Variants in ROCK2 observed in about 807,000 individuals in gnomAD.
ROCK2 encodes Rho associated coiled-coil containing protein kinase 2.
A neutral mutation model predicts 195.1 loss-of-function variants in ROCK2; 61 were observed. The observed-to-expected ratio is 0.31, with a 90% confidence interval of 0.25 to 0.39. The LOEUF is 0.39. ROCK2 is among the 10% of genes least tolerant of loss of function. The probability of loss-of-function intolerance (pLI) is 1.00; values close to 1 mark genes in which losing one functional copy is unlikely to be tolerated. For synonymous variants in ROCK2, 504 were observed against 545.5 expected, an observed-to-expected ratio of 0.92 and a Z score of 1.06; for missense variants, 1,109 against 1,637.4, an observed-to-expected ratio of 0.68 and a Z score of 5.57.
intron 4 of ROCK2, among the ~76,000 whole-genome samples, chr2:11,242,537 C>G (rs960255974): frequency 8.5e-5 from 13 of 152,064 alleles, no homozygotes; most frequent in Non-Finnish European, 7.4e-5. Flanking sequence ...TTTGAGGAAA[C>G]CAAGATAAGC....
chr2:11,242,617 C>T (rs938336414), intron 4 of ROCK2, among the ~76,000 whole-genome samples: 2 of 152,146 alleles, frequency 1.3e-5, no homozygotes, highest in Non-Finnish European at 2.9e-5. Context: ...CTAAAATACA[C>T]AGCATCCCAC....
chr2:11,307,533 C>T (rs537660045), intron 1 of ROCK2, among the ~76,000 whole-genome samples: 2 of 151,948 alleles, frequency 1.3e-5, no homozygotes, highest in African/African-American at 4.8e-5. Flanking sequence ...AGGATGGTCT[C>T]GATCTCTTGA....
chr2:11,265,148 CT>C (rs1666370657), intron 3 of ROCK2, among the ~76,000 whole-genome samples: 1 of 152,180 alleles, frequency 6.6e-6, no homozygotes, highest in East Asian at 1.9e-4. Context: ...GATTAAAAGT[CT>C]GGCTGGCATG....
In ROCK2 at chr2:11,287,761, T is replaced by A. The variant is rs72787695; in HGVS notation, c.142-25A>T. On this transcript the variant is annotated intron_variant, in intron 1 of 32. Transcript: ENST00000315872. ...CCTGTTAAGAAATAAAAAGAGGAAATGACAGTTTTTACAATTTCCAAGCAT... is the reference window on the plus strand; with the variant it reads ...CCTGTTAAGAAATAAAAAGAGGAAAAGACAGTTTTTACAATTTCCAAGCAT... The A allele has an allele frequency of 0.047, 45,782 of 971,720 alleles. 1,665 individuals are homozygous for A. The highest frequency in any genetic ancestry group is 0.051 in the Non-Finnish European group (34,596 of 683,576). The allele number at this position is 971,720 out of a possible 1,614,324, so 60.2% of individuals were successfully genotyped here. A position where few individuals can be genotyped will look rare whatever the true frequency, so the allele number is the denominator to read the frequency against.
intron 20 of ROCK2, among the ~76,000 whole-genome samples, chr2:11,206,084 G>C (rs1206608816): frequency 6.6e-6 from 1 of 151,770 alleles, no homozygotes; most frequent in Non-Finnish European, 1.5e-5. Context: ...ACTCCAACTT[G>C]TGCAACAAGA....
intron 6 of ROCK2, among the ~76,000 whole-genome samples, chr2:11,225,254 A>G (rs1212436660): frequency 6.6e-6 from 1 of 152,170 alleles, no homozygotes; most frequent in Non-Finnish European, 1.5e-5. Context: ...GCCAGTACTC[A>G]GCTAAAGCCA....
intron 4 of ROCK2, among the ~76,000 whole-genome samples, chr2:11,237,655 A>T (rs914999642): frequency 1.3e-5 from 2 of 152,364 alleles, no homozygotes; most frequent in South Asian, 2.1e-4. Context: ...CTATATCTTC[A>T]AAGTTTTGAG....
At position 11,317,595 on chromosome 2, in the gene ROCK2, TATATATATATA is replaced by T. The variant is rs1468635586; in HGVS notation, c.141+26390_141+26400del. Among the ~76,000 whole-genome samples the T allele has an allele frequency of 8.8e-4, 14 of 15,960 alleles. 3 individuals carry two copies. In the East Asian group the frequency reaches 0.023, roughly 26 times the overall value. 10.5% of individuals were successfully genotyped at this position (15,960 alleles called of 152,430 possible). ...ACACATTTATATATATATATATATA[TATATATATATA>T]TATATATTTTTTTTTTTTTTTAATT... On this transcript the variant is annotated intron_variant, in intron 1 of 32. Coordinates refer to ENST00000315872, the MANE Select transcript of ROCK2 (RefSeq NM_004850.5).
At chr2:11,304,120 C>T (rs906264875) in intron 1 of ROCK2, among the ~76,000 whole-genome samples, 1 of 152,122 alleles carries the variant, frequency 6.6e-6, no homozygotes, top group Non-Finnish European at 1.5e-5. Flanking sequence ...TCTTGTCTTG[C>T]GTCTTTAAAT....
chr2:11,192,173 G>A lies in ROCK2; in HGVS notation c.4138C>T (p.Arg1380Ter). 1.2e-6 allele frequency: 2 copies of A among 1,608,934 alleles called. No individual in the cohort carries two copies. Among genetic ancestry groups the A allele is most frequent in the Non-Finnish European group, 1.7e-6 (2 of 1,177,776 alleles). The change falls in exon 32 of 33, where the codon CGA becomes TGA. Residue 1380 changes from arginine to a stop codon, truncating the protein, a stop_gained. Transcript: ENST00000315872. LOFTEE classifies it high-confidence loss of function. This position sits in a 1 kb window ranked among gnomAD's most constrained non-coding sequence, Gnocchi z 5.0. ...QQNQSIRRPS[R>*]QLAPNKPS ...CTAGGTTTGTTTGGGGCAAGCTGTC[G>A]ACTTGGCCGTCTAATAGACTGGTTT... is the stretch of plus-strand genomic sequence containing the variant.
chr2:11,256,638 A>C (rs992980705), intron 3 of ROCK2, among the ~76,000 whole-genome samples: 3 of 150,968 alleles, frequency 2.0e-5, no homozygotes, highest in Non-Finnish European at 2.9e-5. Flanking sequence ...AGTTGAAAAC[A>C]AATGAATGGA....
At position 11,215,568 on chromosome 2, in the gene ROCK2, T is replaced by C. The variant is rs756385937; in HGVS notation, c.1539A>G (p.Ala513=). The C allele has an allele frequency of 9.9e-6, 16 of 1,613,756 alleles. No individual in the cohort carries two copies. The highest frequency in any genetic ancestry group is 1.4e-5 in the Non-Finnish European group (16 of 1,179,828). Residue 513 remains alanine (A), a synonymous_variant, in exon 14 of 33, where the codon GCA becomes GCG. Coordinates refer to ENST00000315872, the MANE Select transcript of ROCK2 (RefSeq NM_004850.5). ...CATGATCAGCTTTCCTCTGATATTCTGCATTTTTGTGCTGAAGAAGCGCCT... is the reference window on the plus strand; with the variant it reads ...CATGATCAGCTTTCCTCTGATATTCCGCATTTTTGTGCTGAAGAAGCGCCT... ...REKALLQHKN[A]EYQRKADHEA...
At chr2:11,325,396 G>A (rs753770) in intron 1 of ROCK2, among the ~76,000 whole-genome samples, 119,275 of 151,860 alleles carry the variant, frequency 0.79, 48,665 homozygotes, top group East Asian at 0.94. Context: ...CTTCATACCA[G>A]ACTAAATACA....
chr2:11,333,551 C>T (rs937076054), intron 1 of ROCK2, among the ~76,000 whole-genome samples: 2 of 152,058 alleles, frequency 1.3e-5, no homozygotes, highest in African/African-American at 4.8e-5. Context: ...ATACTACAAA[C>T]ATGAAACAGT....
At chr2:11,278,098 C>T (rs1030090556) in intron 3 of ROCK2, among the ~76,000 whole-genome samples, 1 of 152,164 alleles carries the variant, frequency 6.6e-6, no homozygotes, top group African/African-American at 2.4e-5. Flanking sequence ...GTGTTGAGAA[C>T]AGTTAAAATC....
intron 1 of ROCK2, among the ~76,000 whole-genome samples, chr2:11,335,551 A>G (rs1668903630): frequency 6.6e-6 from 1 of 152,246 alleles, no homozygotes; most frequent in Non-Finnish European, 1.5e-5. Context: ...ATAGTTGTAT[A>G]GTATTTTCAT....
intron 1 of ROCK2, among the ~76,000 whole-genome samples, chr2:11,328,971 G>A (rs1205327738): frequency 6.6e-6 from 1 of 151,432 alleles, no homozygotes; most frequent in Non-Finnish European, 1.5e-5. Context: ...AATGCTAAAT[G>A]ACGAGTTAAT....
chr2:11,268,878 A>G (rs768656237), intron 3 of ROCK2, among the ~76,000 whole-genome samples: 60 of 151,768 alleles, frequency 4.0e-4, no homozygotes, highest in Non-Finnish European at 6.3e-4. Flanking sequence ...TTCTTCTGTT[A>G]CTCCCACAGT....
chr2:11,185,128 C>G (rs936916039), intron 32 of ROCK2, among the ~76,000 whole-genome samples: 3 of 152,158 alleles, frequency 2.0e-5, no homozygotes, highest in African/African-American at 7.2e-5. Flanking sequence ...TCAATGTTCC[C>G]CTTCACCAAA....
Sources: allele counts gnomAD v4.1 joint callset (sites outside exome capture counted in the v4.1 genomes callset), GRCh38; gene constraint gnomAD v4.1.1; non-coding constraint Gnocchi (gnomAD v3.1); transcripts MANE v1.5; gene names NCBI Gene and HGNC (gene_info 2026-07-23, HGNC 2026-07-21).